The following TRDN variants were observed in gnomAD, a reference collection of about 807,000 sequenced individuals.
The protein encoded by TRDN is triadin in skeletal muscle.
Under a neutral mutation model 149.7 loss-of-function variants are expected in TRDN, and 161 were observed. That is an observed-to-expected ratio of 1.08 (90% CI 0.95 to 1.23). The LOEUF is 1.23. Ranked by LOEUF, TRDN falls within the 50% of genes most tolerant of loss-of-function variation. TRDN has a pLI of 0.00. For missense variants in TRDN, 896 were observed against 823.5 expected, an observed-to-expected ratio of 1.09 and a Z score of -1.08; for synonymous variants, 294 against 250.5, an observed-to-expected ratio of 1.17 and a Z score of -1.64.
chr6:123,240,715 A>G (rs1169609325), intron 38 of TRDN, among the ~76,000 whole-genome samples: 2 of 151,960 alleles, frequency 1.3e-5, no homozygotes, highest in Non-Finnish European at 2.9e-5. Flanking sequence ...TTCTATAACT[A>G]CATCCGAATT....
intron 38 of TRDN, among the ~76,000 whole-genome samples, chr6:123,237,782 T>C (rs73771548): frequency 0.054 from 8,236 of 152,154 alleles, 669 homozygotes; most frequent in African/African-American, 0.19. Flanking sequence ...AAACGATAAA[T>C]TCCTGTGCCC....
At chr6:123,524,937 A>G (rs1423775997) in intron 5 of TRDN, among the ~76,000 whole-genome samples, 1 of 152,026 alleles carries the variant, frequency 6.6e-6, no homozygotes, top group African/African-American at 2.4e-5. Context: ...TTATCTTTCT[A>G]TTCACAAACA....
chr6:123,448,397 A>G (rs914867707), intron 10 of TRDN, among the ~76,000 whole-genome samples: 1 of 152,052 alleles, frequency 6.6e-6, no homozygotes, highest in South Asian at 2.1e-4. Flanking sequence ...TTGGCGGGGG[A>G]CATGGTGGGA....
At chr6:123,319,445 C>G (rs1779160773) in intron 23 of TRDN, among the ~76,000 whole-genome samples, 1 of 151,474 alleles carries the variant, frequency 6.6e-6, no homozygotes, top group Non-Finnish European at 1.5e-5. Flanking sequence ...TTATTTCAAG[C>G]CATATAAAAA....
chr6:123,266,134 AATATGTATTATATATTATATATAT>A (rs2114600853), intron 32 of TRDN, among the ~76,000 whole-genome samples: 2 of 113,738 alleles, frequency 1.8e-5, no homozygotes, highest in Non-Finnish European at 3.3e-5. Context: ...TATATATTAT[AATATGTATTATATATTATATATAT>A]TATAATATGT....
chr6:123,301,768 TAC>T (rs36076877), intron 24 of TRDN, among the ~76,000 whole-genome samples: 24,316 of 92,880 alleles, frequency 0.26, 3,600 homozygotes, highest in East Asian at 0.66. Flanking sequence ...TATATATATA[TAC>T]ATATATATAT....
rs188904932 is a variant in TRDN, at chr6:123,588,239, A to G, written c.23-17107T>C. ...AAATATGTCAAATATATTTTGGGGTACAATATTTTTATTTCTTGTAGGGTC... is the reference window on the plus strand; with the variant it reads ...AAATATGTCAAATATATTTTGGGGTGCAATATTTTTATTTCTTGTAGGGTC... On this transcript the variant is annotated intron_variant, in intron 1 of 40. Transcript: ENST00000334268. Among the ~76,000 whole-genome samples the G allele has an allele frequency of 4.6e-5, 7 of 152,318 alleles. No individual in the cohort carries two copies. In the East Asian group the frequency reaches 7.7e-4, roughly 17 times the overall value.
chr6:123,240,144 G>C (rs1341835203), intron 38 of TRDN, among the ~76,000 whole-genome samples: 2 of 151,906 alleles, frequency 1.3e-5, no homozygotes, highest in East Asian at 1.9e-4. Context: ...AGTTACTTCT[G>C]ATAGAAATCA....
intron 12 of TRDN, among the ~76,000 whole-genome samples, chr6:123,426,016 G>T (rs996993213): frequency 6.6e-6 from 1 of 152,074 alleles, no homozygotes; most frequent in Admixed American, 6.6e-5. Flanking sequence ...GGAGAGAATT[G>T]CAGGAGTGAT....
intron 2 of TRDN, among the ~76,000 whole-genome samples, chr6:123,568,233 G>T (rs1301146299): frequency 6.6e-6 from 1 of 152,212 alleles, no homozygotes; most frequent in African/African-American, 2.4e-5. Flanking sequence ...AAGGAATTGG[G>T]CAGCTCTACC....
At chr6:123,373,546 C>T (rs780606282) in intron 19 of TRDN, among the ~76,000 whole-genome samples, 2 of 152,114 alleles carry the variant, frequency 1.3e-5, no homozygotes, top group Non-Finnish European at 2.9e-5. Flanking sequence ...ACAGTGATTT[C>T]GGGTGTTTCC....
At position 123,224,267 on chromosome 6, in the gene TRDN, A is replaced by C; in HGVS notation, c.1976-136T>G. 3 of 769,232 alleles carry C rather than the reference A, an allele frequency of 3.9e-6. No homozygotes were observed. The South Asian group carries it at 5.2e-5, about 13-fold the overall frequency. 47.7% of individuals were successfully genotyped at this position (769,232 alleles called of 1,614,324 possible). A position where few individuals can be genotyped will look rare whatever the true frequency, so the allele number is the denominator to read the frequency against. On this transcript the variant is annotated intron_variant, in intron 38 of 40. Coordinates refer to ENST00000334268, the MANE Select transcript of TRDN (RefSeq NM_006073.4). The stretch of plus-strand genomic sequence containing the variant: ...CTCAGCATCTACAGTCTCCATAAAT[A>C]AGAGCTGTCTGACCAAAACAGGCAC...
At position 123,541,375 on chromosome 6, in the gene TRDN, G is replaced by A. The variant is rs751956363; in HGVS notation, c.424+5965C>T. Among the ~76,000 whole-genome samples the A allele has an allele frequency of 2.6e-4, 40 of 152,206 alleles. No individual in the cohort carries two copies. In the Middle Eastern group the frequency reaches 0.01, roughly 39 times the overall value. ...CAAAGATGAGCTCTTTTAGTAGCACGAAGTACTACAGCTGCCTGAGTCAGT... is the reference window on the plus strand; with the variant it reads ...CAAAGATGAGCTCTTTTAGTAGCACAAAGTACTACAGCTGCCTGAGTCAGT... On this transcript the variant is annotated intron_variant, in intron 4 of 40. Transcript: ENST00000334268.
chr6:123,502,871 C>T (rs1026371071), intron 8 of TRDN: 1 of 985,184 alleles, frequency 1.0e-6, no homozygotes, highest in Non-Finnish European at 1.2e-6. Flanking sequence ...GTAAAGGAGT[C>T]TCAGGATTAT....
intron 1 of TRDN, among the ~76,000 whole-genome samples, chr6:123,609,850 C>T (rs1189111301): frequency 6.6e-6 from 1 of 152,092 alleles, no homozygotes. Flanking sequence ...TCTTTCCACC[C>T]TACCAGTCTC....
At chr6:123,284,493 T>C (rs1777730748) in intron 24 of TRDN, among the ~76,000 whole-genome samples, 1 of 151,852 alleles carries the variant, frequency 6.6e-6, no homozygotes, top group Non-Finnish European at 1.5e-5. Context: ...CTCAGCAAAA[T>C]TGGCATACAG....
At chr6:123,627,743 G>A (rs963997189) in intron 1 of TRDN, among the ~76,000 whole-genome samples, 3 of 152,178 alleles carry the variant, frequency 2.0e-5, no homozygotes, top group South Asian at 2.1e-4. Flanking sequence ...GTTGTTTAGC[G>A]TAGCCACCTT....
intron 13 of TRDN, among the ~76,000 whole-genome samples, chr6:123,390,056 G>A (rs969388402): frequency 7.9e-5 from 12 of 152,076 alleles, no homozygotes; most frequent in Admixed American, 2.6e-4. Context: ...ATGGGTATGG[G>A]GAACTCTCTA....
Position 123,309,243 on chromosome 6 carries a change from G to T in TRDN, c.1510+7214C>A, listed in dbSNP as rs986082423. ...GGATTTAAACAGCCATCTTCTTATG[G>T]CTGTATCCTACTACTGCAACTTTGC... On this transcript the variant is annotated intron_variant, in intron 24 of 40. Transcript: ENST00000334268. Among the ~76,000 whole-genome samples, 11 of 151,806 alleles carry T rather than the reference G, an allele frequency of 7.2e-5. No homozygotes were observed. The East Asian group carries it at 1.7e-3, about 24-fold the overall frequency.
Sources: allele counts gnomAD v4.1 joint callset (sites outside exome capture counted in the v4.1 genomes callset), GRCh38; gene constraint gnomAD v4.1.1; transcripts MANE v1.5; gene names NCBI Gene and HGNC (gene_info 2026-07-23, HGNC 2026-07-21).